The following BMERB1 variants were observed in gnomAD, a reference collection of about 807,000 sequenced individuals.
BMERB1 encodes the protein bMERB domain-containing protein 1.
In BMERB1, 12 loss-of-function variants were observed where a neutral mutation model predicts 23.6. That is an observed-to-expected ratio of 0.51 (90% CI 0.33 to 0.82). BMERB1 has a LOEUF of 0.82. Ranked by LOEUF, BMERB1 falls within the 40% of genes least tolerant of loss-of-function variation. The probability of loss-of-function intolerance (pLI) is 0.03; values close to 1 mark genes in which losing one functional copy is unlikely to be tolerated. For synonymous variants in BMERB1, 122 were observed against 96.6 expected (o/e 1.26, Z -1.54); for missense variants, 247 against 255.4 (o/e 0.97, Z 0.22).
chr16:15,543,711 C>T (rs1442547789), intron 2 of BMERB1, among the ~76,000 whole-genome samples: 1 of 134,000 alleles, frequency 7.5e-6, no homozygotes, highest in Non-Finnish European at 1.5e-5. Flanking sequence ...ATCCCAGCTA[C>T]TCAGGAGGCT....
intron 5 of BMERB1, among the ~76,000 whole-genome samples, chr16:15,583,502 C>T (rs765441658): frequency 9.1e-5 from 13 of 142,692 alleles, no homozygotes; most frequent in East Asian, 4.2e-4. Context: ...TGCTTGAACC[C>T]GGGAGGTGGG....
chr16:15,558,612 A>C (rs1460750169), intron 2 of BMERB1, among the ~76,000 whole-genome samples: 1 of 152,188 alleles, frequency 6.6e-6, no homozygotes, highest in East Asian at 1.9e-4. Context: ...AACTTTAAGC[A>C]ACCATTACCG....
intron 1 of BMERB1, among the ~76,000 whole-genome samples, chr16:15,478,847 C>G (rs969479724): frequency 2.0e-5 from 3 of 152,158 alleles, no homozygotes; most frequent in African/African-American, 7.2e-5. Flanking sequence ...GTTACTGACT[C>G]CTGATCCCAA....
rs151242513 is a variant in BMERB1 at position 15,501,127 on chromosome 16, G to A, written c.107-14178G>A. On this transcript the variant is annotated intron_variant, in intron 1 of 5. Coordinates refer to ENST00000300006, the MANE Select transcript of BMERB1 (RefSeq NM_033201.3). Reference sequence around the variant, plus strand: ...AAAATATGTTAGTGAAATTAATCTCGCCCATTTCTTTTTATCTTTTTTTTT... The same window carrying A: ...AAAATATGTTAGTGAAATTAATCTCACCCATTTCTTTTTATCTTTTTTTTT... Among the ~76,000 whole-genome samples the A allele has an allele frequency of 6.6e-5, 10 of 151,686 alleles. No homozygotes were observed. The East Asian group carries it at 9.7e-4, about 15-fold the overall frequency.
Position 15,571,271 on chromosome 16 carries a change from A to G in BMERB1, c.304+3215A>G, listed in dbSNP as rs144778441. Among the ~76,000 whole-genome samples the G allele has an allele frequency of 1.4e-3, 212 of 152,266 alleles. 1 individual carries two copies. The highest frequency in any genetic ancestry group is 2.3e-3 in the Non-Finnish European group (158 of 68,012). ...TCAGGGGGGTGTGCAACATTGCCCT[A>G]TGAAAGGAAAATAAAGTCCCAGGAC... On this transcript the variant is annotated intron_variant, in intron 3 of 5. Transcript: ENST00000300006.
chr16:15,496,613 A>C (rs1202670789), intron 1 of BMERB1, among the ~76,000 whole-genome samples: 3 of 151,080 alleles, frequency 2.0e-5, no homozygotes, highest in Non-Finnish European at 2.9e-5. Flanking sequence ...ATCTTGGCTC[A>C]CTACAAGCTC....
chr16:15,533,622 T>C (rs1344977182), intron 2 of BMERB1, among the ~76,000 whole-genome samples: 1 of 152,096 alleles, frequency 6.6e-6, no homozygotes, highest in East Asian at 1.9e-4. Flanking sequence ...CCAATCAGAG[T>C]CTTTCTCCTG....
At chr16:15,535,756 A>T (rs1262085946) in intron 2 of BMERB1, among the ~76,000 whole-genome samples, 1 of 152,118 alleles carries the variant, frequency 6.6e-6, no homozygotes, top group Non-Finnish European at 1.5e-5. Flanking sequence ...TGGAAAAAAA[A>T]AATACCAAAG....
intron 2 of BMERB1, among the ~76,000 whole-genome samples, chr16:15,553,890 C>G (rs1178132309): frequency 1.3e-5 from 2 of 152,130 alleles, no homozygotes; most frequent in East Asian, 1.9e-4. Flanking sequence ...CCATGTCTTC[C>G]AAACTGGGTT....
intron 1 of BMERB1, among the ~76,000 whole-genome samples, chr16:15,437,715 T>G (rs1026779376): frequency 1.3e-5 from 2 of 152,044 alleles, no homozygotes; most frequent in Non-Finnish European, 2.9e-5. Flanking sequence ...TCCCAGCACT[T>G]TGGGAGGCCG....
chr16:15,544,309 G>A (rs1354799735), intron 2 of BMERB1, among the ~76,000 whole-genome samples: 1 of 152,156 alleles, frequency 6.6e-6, no homozygotes, highest in African/African-American at 2.4e-5. Context: ...ATTTGTATGA[G>A]TCACATTTTA....
intron 1 of BMERB1, among the ~76,000 whole-genome samples, chr16:15,474,624 C>G (rs2051260110): frequency 6.6e-6 from 1 of 152,194 alleles, no homozygotes; most frequent in South Asian, 2.1e-4. Context: ...AAACGTTCCT[C>G]CTGCCTCAGC....
chr16:15,512,038 A>AAAAAAAAAG (rs1555509799), intron 1 of BMERB1, among the ~76,000 whole-genome samples: 1 of 148,298 alleles, frequency 6.7e-6, no homozygotes, highest in Middle Eastern at 3.2e-3. Flanking sequence ...AAAAAAAAAA[A>AAAAAAAAAG]GGGGGAATTG....
intron 1 of BMERB1, among the ~76,000 whole-genome samples, chr16:15,507,824 G>A (rs1339396729): frequency 6.6e-6 from 1 of 152,142 alleles, no homozygotes; most frequent in South Asian, 2.1e-4. Flanking sequence ...CCTTCATTAA[G>A]GTCCCTGGAC....
intron 2 of BMERB1, among the ~76,000 whole-genome samples, chr16:15,545,351 T>C (rs1370351194): frequency 1.3e-5 from 2 of 152,128 alleles, no homozygotes; most frequent in Non-Finnish European, 2.9e-5. Flanking sequence ...GCTAGCCCAG[T>C]ACCAATCGAT....
rs151105297 is a variant in BMERB1 at position 15,496,256 on chromosome 16, G to T, written c.107-19049G>T. 9.9e-5 allele frequency among the ~76,000 whole-genome samples: 15 copies of T among 152,250 alleles called. No individual in the cohort carries two copies. In the East Asian group the frequency reaches 2.9e-3, roughly 29 times the overall value. On this transcript the variant is annotated intron_variant, in intron 1 of 5. Coordinates refer to ENST00000300006, the MANE Select transcript of BMERB1 (RefSeq NM_033201.3). Reference sequence around the variant, plus strand: ...TGATAGTGGTGATGATTATGATAGTGATAGTGATTATGGTGAGGATAGAGA... The same window carrying T: ...TGATAGTGGTGATGATTATGATAGTTATAGTGATTATGGTGAGGATAGAGA...
Position 15,484,414 on chromosome 16 carries a change from T to G in BMERB1, c.107-30891T>G, listed in dbSNP as rs137972493. Among the ~76,000 whole-genome samples the G allele has an allele frequency of 3.7e-3, 564 of 152,268 alleles. 5 individuals carry two copies. Among genetic ancestry groups the G allele is most frequent in the African/African-American group, 0.013 (523 of 41,560 alleles). On this transcript the variant is annotated intron_variant, in intron 1 of 5. Coordinates refer to ENST00000300006, the MANE Select transcript of BMERB1 (RefSeq NM_033201.3). ...ATGCTCTTCCCCCAACCTCTTTTTT[T>G]TTTTTGAGAAAGAGTCTCGCTCTGC...
intron 2 of BMERB1, among the ~76,000 whole-genome samples, chr16:15,525,768 A>G (rs1032133849): frequency 2.2e-4 from 33 of 152,136 alleles, no homozygotes; most frequent in African/African-American, 7.2e-4. Context: ...TCTCTTCAGT[A>G]GTATTGGTTC....
intron 1 of BMERB1, among the ~76,000 whole-genome samples, chr16:15,454,622 A>G (rs1050720845): frequency 4.6e-5 from 7 of 152,094 alleles, no homozygotes; most frequent in African/African-American, 1.2e-4. Context: ...GTGAAACCCC[A>G]TCTCTACTAA....
Sources: gnomAD v4.1 joint callset for allele counts (sites outside exome capture counted in the v4.1 genomes callset) on GRCh38, gnomAD v4.1.1 for gene constraint, MANE v1.5 for transcripts, NCBI Gene and HGNC (gene_info 2026-07-23, HGNC 2026-07-21) for gene names.